The following FANCB variants were observed in gnomAD, a reference collection of about 807,000 sequenced individuals.
FANCB encodes the protein FA complementation group B.
Under a neutral mutation model 38.9 loss-of-function variants are expected in FANCB, and 5 were observed. That is an observed-to-expected ratio of 0.13 (90% CI 0.07 to 0.27). The LOEUF (loss-of-function observed/expected upper bound fraction) is 0.27, where lower values mean the gene tolerates loss of function less well. Among genes scored for constraint, FANCB ranks in the 10% least tolerant of loss-of-function variants. The pLI, the probability that FANCB is intolerant of heterozygous loss-of-function variation, is 1.00. For synonymous variants in FANCB, 236 were observed against 215.4 expected, an observed-to-expected ratio of 1.10 and a Z score of -0.84; for missense variants, 573 against 602.7, an observed-to-expected ratio of 0.95 and a Z score of 0.52.
At chrX:14,842,589 T>C (rs376533058), downstream of FANCB, among the ~76,000 whole-genome samples, 7 of 112,246 alleles carry the variant, frequency 6.2e-5, no homozygotes, top group African/African-American at 2.3e-4. Context: ...CTTGAATTTT[T>C]ATCCCTTTGA....
chrX:14,751,097 TC>T, the FANCB span, among the ~76,000 whole-genome samples: 1 of 111,941 alleles, frequency 8.9e-6, no homozygotes, highest in Non-Finnish European at 1.9e-5. Flanking sequence ...TCATGGCATC[TC>T]CTGAAGTTGA....
chrX:14,812,746 A>G, the FANCB span, among the ~76,000 whole-genome samples: 2 of 110,323 alleles, frequency 1.8e-5, no homozygotes, highest in African/African-American at 3.3e-5. Flanking sequence ...ACAAGGAGGA[A>G]CTGGTACCAT....
the FANCB span, chrX:14,730,220 C>G: frequency 8.3e-7 from 1 of 1,201,328 alleles, no homozygotes; most frequent in Non-Finnish European, 1.1e-6. Flanking sequence ...GAAGACGTTA[C>G]TCGTGAAAGT....
At chrX:14,796,913 G>T in the FANCB span, among the ~76,000 whole-genome samples, 1 of 110,393 alleles carries the variant, frequency 9.1e-6, no homozygotes, top group Non-Finnish European at 1.9e-5. Flanking sequence ...AAAGCTGGCA[G>T]TTGGAGTTCT....
chrX:14,846,667 CA>C (rs775907982), intron 7 of FANCB, among the ~76,000 whole-genome samples: 2 of 111,078 alleles, frequency 1.8e-5, no homozygotes, highest in African/African-American at 6.5e-5. Context: ...AACAAAAATT[CA>C]GGCATTATTC....
chrX:14,698,667 G>C, the FANCB span, among the ~76,000 whole-genome samples: 4 of 70,674 alleles, frequency 5.7e-5, no homozygotes, highest in Non-Finnish European at 7.1e-5. Flanking sequence ...GACAGAGTGA[G>C]ACTCTATCTA....
the FANCB span, among the ~76,000 whole-genome samples, chrX:14,807,563 A>G: frequency 8.9e-6 from 1 of 111,908 alleles, no homozygotes; most frequent in African/African-American, 3.3e-5. Context: ...TATTACTCAT[A>G]CAATGTCTTC....
At chrX:14,704,065 C>T in the FANCB span, among the ~76,000 whole-genome samples, 1 of 111,628 alleles carries the variant, frequency 9.0e-6, no homozygotes, top group Admixed American at 9.5e-5. Context: ...CATCCTCGGC[C>T]TCCCCACTAA....
the FANCB span, among the ~76,000 whole-genome samples, chrX:14,800,410 TTGCCAGCAA>T: frequency 9.0e-6 from 1 of 110,843 alleles, no homozygotes; most frequent in East Asian, 2.8e-4. Context: ...AAGCCAAAAA[TTGCCAGCAA>T]CCGCCACAAG....
downstream of FANCB, among the ~76,000 whole-genome samples, chrX:14,832,601 G>A (rs188717072): frequency 1.2e-3 from 138 of 111,976 alleles, no homozygotes; most frequent in Non-Finnish European, 2.2e-3. Flanking sequence ...ATTAATACAG[G>A]GTATTCAACT....
chrX:14,712,844 G>A, the FANCB span, among the ~76,000 whole-genome samples: 1 of 111,608 alleles, frequency 9.0e-6, no homozygotes, highest in African/African-American at 3.3e-5. Flanking sequence ...TAGCCACCGT[G>A]TCTAACAAAG....
the FANCB span, among the ~76,000 whole-genome samples, chrX:14,811,809 C>T: frequency 8.1e-5 from 9 of 111,342 alleles, no homozygotes; most frequent in South Asian, 3.8e-4. Flanking sequence ...CTGCACCAAG[C>T]GGACCTAATA....
intron 3 of FANCB, among the ~76,000 whole-genome samples, chrX:14,862,000 T>C (rs1351488489): frequency 2.7e-5 from 3 of 112,106 alleles, no homozygotes; most frequent in Non-Finnish European, 5.6e-5. Flanking sequence ...ATGCGCCATG[T>C]TGGCCAAGCT....
At chrX:14,795,665 C>T in the FANCB span, among the ~76,000 whole-genome samples, 298 of 112,025 alleles carry the variant, frequency 2.7e-3, no homozygotes, top group African/African-American at 9.0e-3. Context: ...TATTATTTTT[C>T]CTGTGAAATT....
chrX:14,769,852 C>G, the FANCB span, among the ~76,000 whole-genome samples: 3 of 111,959 alleles, frequency 2.7e-5, no homozygotes, highest in Non-Finnish European at 3.8e-5. Context: ...GATATGTTGT[C>G]TCTTTGTTCT....
the FANCB span, among the ~76,000 whole-genome samples, chrX:14,773,755 A>AG: frequency 8.9e-6 from 1 of 112,140 alleles, no homozygotes; most frequent in African/African-American, 3.2e-5. Flanking sequence ...CAGGAGATAT[A>AG]TATCACCAGG....
At chrX:14,799,309 C>T in the FANCB span, among the ~76,000 whole-genome samples, 1 of 111,891 alleles carries the variant, frequency 8.9e-6, no homozygotes, top group African/African-American at 3.3e-5. Context: ...CTTTAAATTC[C>T]TTCTCGCAAA....
At chrX:14,690,882 A>T in the FANCB span, 3 of 1,201,947 alleles carry the variant, frequency 2.5e-6, no homozygotes. Flanking sequence ...CTCAGTTCAG[A>T]CAATGTAGAG....
the FANCB span, among the ~76,000 whole-genome samples, chrX:14,742,876 A>C: frequency 1.3e-4 from 15 of 113,031 alleles, no homozygotes; most frequent in Non-Finnish European, 2.6e-4. Context: ...TTATGTTGGC[A>C]TAAGCAGGGC....
Sources: gnomAD v4.1 joint callset for allele counts (sites outside exome capture counted in the v4.1 genomes callset) on GRCh38, gnomAD v4.1.1 for gene constraint, MANE v1.5 for transcripts, NCBI Gene and HGNC (gene_info 2026-07-23, HGNC 2026-07-21) for gene names.